The following MDN1 variants were observed in gnomAD, a reference collection of about 807,000 sequenced individuals.
MDN1 encodes the protein midasin AAA ATPase 1, also known as midasin.
A neutral mutation model predicts 669.2 loss-of-function variants in MDN1; 266 were observed. The ratio of observed to expected loss-of-function variants is 0.40; its 90% CI spans 0.36 to 0.44. MDN1 has a LOEUF of 0.44. MDN1 is among the 20% of genes least tolerant of loss of function. The probability of loss-of-function intolerance (pLI) is 1.00; values close to 1 mark genes in which losing one functional copy is unlikely to be tolerated. For missense variants in MDN1, 5,940 were observed against 6,754.0 expected (o/e 0.88, Z 4.22); for synonymous variants, 2,385 against 2,457.1 (o/e 0.97, Z 0.87).
intron 34 of MDN1, among the ~76,000 whole-genome samples, chr6:89,731,858 C>T (rs1815627437): frequency 6.9e-6 from 1 of 144,230 alleles, no homozygotes; most frequent in South Asian, 2.4e-4. Flanking sequence ...CCCAGGCATG[C>T]CACAATACCA....
At chr6:89,758,711 T>A (rs190713804) in intron 18 of MDN1, 105 bp downstream of exon 18, 1 of 1,226,586 alleles carries the variant, frequency 8.2e-7, no homozygotes, top group Admixed American at 2.4e-5. Context: ...ACAAATTCCA[T>A]TGGGAGGCCC....
chr6:89,648,373 C>T (rs1455649205), intron 97 of MDN1, 44 bp from the exon 98 acceptor site: 3 of 1,558,458 alleles, frequency 1.9e-6, no homozygotes, highest in African/African-American at 2.7e-5. Flanking sequence ...AGAATATCCT[C>T]TAAACCAGAG....
At position 89,652,191 on chromosome 6, in the gene MDN1, C is replaced by T; in HGVS notation, c.15915+1G>A. ...GAAAAAAACAGTGAGCAGTGACTTA[C>T]CTCCTCTGGGTTTCCAGATTCACGT... On this transcript the variant is annotated splice_donor_variant, in intron 95 of 101. Coordinates refer to ENST00000369393, the MANE Select transcript of MDN1 (RefSeq NM_014611.3). LOFTEE classifies it high-confidence loss of function. 1.2e-6 allele frequency: 2 copies of T among 1,613,088 alleles called. No individual in the cohort carries two copies. Among genetic ancestry groups the T allele is most frequent in the Non-Finnish European group, 1.7e-6 (2 of 1,179,554 alleles).
chr6:89,789,667 C>T (rs919792453), intron 7 of MDN1, 113 bp downstream of exon 7: 26 of 1,251,542 alleles, frequency 2.1e-5, no homozygotes, highest in African/African-American at 6.0e-5. Flanking sequence ...CAACATAGTA[C>T]GTCTAATCAA....
chr6:89,666,794 C>A (rs1421197147), intron 84 of MDN1, among the ~76,000 whole-genome samples: 4 of 152,194 alleles, frequency 2.6e-5, no homozygotes, highest in Non-Finnish European at 4.4e-5. Flanking sequence ...GGCAAGAGAG[C>A]AAGACCTCAT....
Position 89,670,157 on chromosome 6 carries a change from TATATATATATATA to T in MDN1, c.13956+749_13956+761del, listed in dbSNP as rs1405666971. ...AAAAAAACATATATATATATATATA[TATATATATATATA>T]TTTTTTTTTTTTTTTTTTTTGAGAT... On this transcript the variant is annotated intron_variant, in intron 83 of 101. Coordinates refer to ENST00000369393, the MANE Select transcript of MDN1 (RefSeq NM_014611.3). 1.2e-3 allele frequency among the ~76,000 whole-genome samples: 28 copies of T among 23,880 alleles called. No homozygotes were observed. The East Asian group carries it at 0.015, about 13-fold the overall frequency. The allele number at this position is 23,880 out of a possible 152,430, so 15.7% of individuals were successfully genotyped here.
intron 88 of MDN1, among the ~76,000 whole-genome samples, chr6:89,659,758 A>G (rs1334352638): frequency 6.6e-6 from 1 of 152,264 alleles, no homozygotes; most frequent in African/African-American, 2.4e-5. Flanking sequence ...ATGATCATAT[A>G]CAGAAAATAC....
intron 32 of MDN1, 46 bp from the exon 33 acceptor site, chr6:89,738,501 G>A: frequency 1.2e-6 from 2 of 1,603,296 alleles, no homozygotes; most frequent in Non-Finnish European, 1.7e-6. Context: ...AAACTGTAAG[G>A]AAAGCTGGAA....
At chr6:89,656,097 TAC>T in intron 91 of MDN1, 129 bp from the exon 92 acceptor site, 1 of 749,294 alleles carries the variant, frequency 1.3e-6, no homozygotes, top group East Asian at 2.7e-5. Flanking sequence ...TGGAATTCAA[TAC>T]AGCTATTAAA....
At chr6:89,688,252 C>A in intron 66 of MDN1, 79 bp from the exon 67 acceptor site, 1 of 1,269,944 alleles carries the variant, frequency 7.9e-7, no homozygotes, top group Non-Finnish European at 1.1e-6. Flanking sequence ...GAGTCCTGAC[C>A]AGAAGATTCC....
intron 38 of MDN1, 50 bp from the exon 39 acceptor site, chr6:89,723,669 A>G: frequency 9.2e-7 from 1 of 1,090,622 alleles, no homozygotes; most frequent in East Asian, 2.7e-5. Flanking sequence ...CTCTTTACCA[A>G]ACACTAGAAA....
At chr6:89,776,180 G>A (rs1386175810) in intron 12 of MDN1, among the ~76,000 whole-genome samples, 5 of 152,140 alleles carry the variant, frequency 3.3e-5, no homozygotes, top group African/African-American at 1.2e-4. Flanking sequence ...TGTGGAACAT[G>A]GCTGTGCACA....
At chr6:89,715,950 C>G (rs1401099211) in intron 44 of MDN1, among the ~76,000 whole-genome samples, 181 bp from the exon 45 acceptor site, 2 of 152,188 alleles carry the variant, frequency 1.3e-5, no homozygotes, top group African/African-American at 4.8e-5. Context: ...TCTCGCTTCC[C>G]TAGGCACATA....
intron 8 of MDN1, among the ~76,000 whole-genome samples, chr6:89,787,398 CATTATCA>C (rs1430681643): frequency 6.6e-6 from 1 of 152,202 alleles, no homozygotes; most frequent in African/African-American, 2.4e-5. Flanking sequence ...ATCTACCTAT[CATTATCA>C]CCATCATGGC....
At chr6:89,688,939 G>A in intron 65 of MDN1, 131 bp from the exon 66 acceptor site, 1 of 716,432 alleles carries the variant, frequency 1.4e-6, no homozygotes, top group Non-Finnish European at 2.3e-6. Context: ...GGGAGCCGAG[G>A]CAGGCAGATT....
intron 100 of MDN1, among the ~76,000 whole-genome samples, 168 bp downstream of exon 100, chr6:89,646,372 T>C (rs572365029): frequency 6.6e-6 from 1 of 152,330 alleles, no homozygotes; most frequent in African/African-American, 2.4e-5. Context: ...CAAAAATTTC[T>C]GAATGAATGA....
At chr6:89,754,003 T>C in intron 21 of MDN1, 80 bp downstream of exon 21, 2 of 1,448,128 alleles carry the variant, frequency 1.4e-6, no homozygotes, top group Non-Finnish European at 1.8e-6. Context: ...ACAGGCAACC[T>C]GGCATATGCA....
Position 89,754,979 on chromosome 6 carries a change from A to G in MDN1, c.2817-749T>C, listed in dbSNP as rs142399337. Among the ~76,000 whole-genome samples the G allele has an allele frequency of 6.1e-3, 935 of 152,250 alleles. 9 individuals carry two copies. Among genetic ancestry groups the G allele is most frequent in the African/African-American group, 0.02 (843 of 41,550 alleles). ...AAATATTTTTGTGTAGAAAGAACCTATGTTTTGGAACTGAGTTTTTAATAT... is the reference window on the plus strand; with the variant it reads ...AAATATTTTTGTGTAGAAAGAACCTGTGTTTTGGAACTGAGTTTTTAATAT... On this transcript the variant is annotated intron_variant, in intron 20 of 101. Transcript: ENST00000369393.
chr6:89,802,627 T>A (rs1305296438), intron 2 of MDN1, among the ~76,000 whole-genome samples: 2 of 151,950 alleles, frequency 1.3e-5, no homozygotes, highest in African/African-American at 4.8e-5. Context: ...AGGCAGAGGT[T>A]GCAGTGAGCA....
Sources: allele counts gnomAD v4.1 joint callset (sites outside exome capture counted in the v4.1 genomes callset), GRCh38; gene constraint gnomAD v4.1.1; transcripts MANE v1.5; gene names NCBI Gene and HGNC (gene_info 2026-07-23, HGNC 2026-07-21).